Variants in MFSD2A observed in about 807,000 individuals in gnomAD.
MFSD2A encodes sodium-dependent lysophosphatidylcholine symporter 1.
MFSD2A carries 27 observed loss-of-function variants against 64.7 expected under a neutral mutation model. That is an observed-to-expected ratio of 0.42 (90% confidence interval 0.31 to 0.58). MFSD2A has a LOEUF of 0.58. MFSD2A is among the 20% of genes least tolerant of loss of function. The probability of loss-of-function intolerance (pLI) is 0.18; values close to 1 mark genes in which losing one functional copy is unlikely to be tolerated. For missense variants in MFSD2A, 474 were observed against 679.5 expected, an observed-to-expected ratio of 0.70 and a Z score of 3.36; for synonymous variants, 258 against 273.4, an observed-to-expected ratio of 0.94 and a Z score of 0.55.
chr1:39,957,854 C>T (rs1644961289), intron 2 of MFSD2A: 1 of 152,394 alleles, frequency 6.6e-6, no homozygotes, highest in South Asian at 2.1e-4. Flanking sequence ...GCTGTCTTCT[C>T]TGTGTAGCAT....
Position 39,969,628 on chromosome 1 carries a change from C to A in MFSD2A, c.*60C>A. 1 of 1,512,538 alleles carries A rather than the reference C, an allele frequency of 6.6e-7. No individual in the cohort carries two copies. The highest frequency in any genetic ancestry group is 9.0e-7 in the Non-Finnish European group (1 of 1,107,900). 93.7% of individuals were successfully genotyped at this position (1,512,538 alleles called of 1,614,324 possible). A position where few individuals can be genotyped will look rare whatever the true frequency, so the allele number is the denominator to read the frequency against. ...GGCCACAGAAGGGATCAGGACCTGTCTGCCGGCTTGCTGAGCAGCTGGACT... is the reference window on the plus strand; with the variant it reads ...GGCCACAGAAGGGATCAGGACCTGTATGCCGGCTTGCTGAGCAGCTGGACT... On this transcript the variant is annotated 3_prime_UTR_variant, in exon 14 of 14. Transcript: ENST00000372811.
rs1321319746 is a variant in MFSD2A at position 39,968,323 on chromosome 1, A to G, written c.1209-11A>G. 6.2e-7 allele frequency: 1 copy of G among 1,613,718 alleles called. No homozygotes were observed. The highest frequency in any genetic ancestry group is 1.1e-5 in the South Asian group (1 of 91,074). The stretch of plus-strand genomic sequence containing the variant: ...TGGGTCAGTCCTCATGGCTGTCACT[A>G]CTCTGCGCAGGTCCATGCTGCCTGA... On this transcript the variant is annotated splice_polypyrimidine_tract_variant and intron_variant, in intron 11 of 13. Transcript: ENST00000372811. This position sits in a 1 kb window ranked among gnomAD's most constrained non-coding sequence, Gnocchi z 4.4.
At chr1:39,961,213 A>G (rs1371356417) in intron 3 of MFSD2A, among the ~76,000 whole-genome samples, 2 of 149,900 alleles carry the variant, frequency 1.3e-5, no homozygotes, top group African/African-American at 4.9e-5. Context: ...TGGGTCTGTC[A>G]GGGTTTGTGA....
chr1:39,956,495 G>A (rs16826710), intron 1 of MFSD2A, among the ~76,000 whole-genome samples: 1,771 of 152,306 alleles, frequency 0.012, 23 homozygotes, highest in South Asian at 0.03. Context: ...GTGGGGACAG[G>A]TCGGCTGCTG....
intron 2 of MFSD2A, chr1:39,957,940 A>G (rs1233807454): frequency 6.6e-6 from 1 of 152,014 alleles, no homozygotes; most frequent in Non-Finnish European, 1.5e-5. Flanking sequence ...GGAACAAAAA[A>G]CTTCAGCAGC....
chr1:39,966,974 A>T, intron 8 of MFSD2A, 42 bp downstream of exon 8: 1 of 1,613,356 alleles, frequency 6.2e-7, no homozygotes, highest in South Asian at 1.1e-5. Context: ...AGGAGGTGTA[A>T]TGGGAGCGGG....
At position 39,957,127 on chromosome 1, in the gene MFSD2A, A is replaced by G. The variant is rs1644947546; in HGVS notation, c.134A>G (p.Asn45Ser). The G allele has an allele frequency of 6.2e-7, 1 of 1,613,998 alleles. No individual in the cohort carries two copies. Among genetic ancestry groups the G allele is most frequent in the Non-Finnish European group, 8.5e-7 (1 of 1,180,018 alleles). Residue 45 changes from asparagine (N) to serine (S), a missense_variant, in exon 2 of 14, where the codon AAC (asparagine) becomes AGC (serine). Physicochemically the swap from Asn to Ser is conservative, Grantham distance 46. Coordinates refer to ENST00000372811, the MANE Select transcript of MFSD2A (RefSeq NM_032793.5). The part of the protein sequence containing the change: ...KKKKQQLSVC[N>S]KLCYALGGAP... ...AAGAAACAACAGTTGTCTGTTTGCA[A>G]CAAGCTTTGCTATGCACTTGGGGGA...
chr1:39,965,226 G>T lies in MFSD2A; in HGVS notation c.369G>T (p.Thr123=). ...GRLMPWIIFS[T]PLAVIAYFLI... ...TCTTCCTCAGGATCATCTTCTCCAC[G>T]CCCCTGGCCGTCATTGCCTACTTCC... Residue 123 remains threonine (T), a synonymous_variant, in exon 4 of 14, where the codon ACG becomes ACT. Transcript: ENST00000372811. This position sits in a 1 kb window ranked among gnomAD's most constrained non-coding sequence, Gnocchi z 5.5. 1.2e-6 allele frequency: 2 copies of T among 1,614,004 alleles called. No homozygotes were observed. Among genetic ancestry groups the T allele is most frequent in the South Asian group, 2.2e-5 (2 of 91,078 alleles).
In MFSD2A at chr1:39,963,144, AGGAGCACT is replaced by A. The variant is rs1487412449; in HGVS notation, c.354-2064_354-2057del. ...GCTGGTGCGTCTCATCCCTGCACCCAGGAGCACTGGCATCGTCTCCACACCTGTGCCCA... is the reference window on the plus strand; with the variant it reads ...GCTGGTGCGTCTCATCCCTGCACCCAGGCATCGTCTCCACACCTGTGCCCA... On this transcript the variant is annotated intron_variant, in intron 3 of 13. Transcript: ENST00000372811. This position sits in a 1 kb window ranked among gnomAD's most constrained non-coding sequence, Gnocchi z 4.2. 13 of 1,412,154 alleles carry A rather than the reference AGGAGCACT, an allele frequency of 9.2e-6. No homozygotes were observed. Among genetic ancestry groups the A allele is most frequent in the Non-Finnish European group, 1.1e-5 (11 of 1,020,452 alleles). The allele number at this position is 1,412,154 out of a possible 1,614,324, so 87.5% of individuals were successfully genotyped here. A position where few individuals can be genotyped will look rare whatever the true frequency, so the allele number is the denominator to read the frequency against.
Position 39,966,615 on chromosome 1 carries a change from G to A in MFSD2A, c.729G>A (p.Leu243=). ...TSHRETQKAY[L]LAAGVIVCIY... Reference sequence around the variant, plus strand: ...CCTCCTTATAGCAAAAGGCATACCTGCTGGCAGCGGGGGTCATTGTCTGTA... The same window carrying A: ...CCTCCTTATAGCAAAAGGCATACCTACTGGCAGCGGGGGTCATTGTCTGTA... The change falls in exon 7 of 14, where the codon CTG becomes CTA. Residue 243 remains leucine (L), a synonymous_variant. Coordinates refer to ENST00000372811, the MANE Select transcript of MFSD2A (RefSeq NM_032793.5). 6.2e-7 allele frequency: 1 copy of A among 1,613,270 alleles called. No individual in the cohort carries two copies. Among genetic ancestry groups the A allele is most frequent in the South Asian group, 1.1e-5 (1 of 90,972 alleles).
intron 1 of MFSD2A, among the ~76,000 whole-genome samples, chr1:39,956,839 C>A (rs921908946): frequency 3.4e-5 from 5 of 145,944 alleles, no homozygotes; most frequent in Admixed American, 7.0e-5. Context: ...TGGCGTGAAC[C>A]CAGGAGGCGG....
Position 39,963,366 on chromosome 1 carries a change from A to G in MFSD2A, c.354-1845A>G, listed in dbSNP as rs1022180496. On this transcript the variant is annotated intron_variant, in intron 3 of 13. Coordinates refer to ENST00000372811, the MANE Select transcript of MFSD2A (RefSeq NM_032793.5). This position sits in a 1 kb window ranked among gnomAD's most constrained non-coding sequence, Gnocchi z 4.2. The stretch of plus-strand genomic sequence containing the variant: ...CGATCAGGAATTCACTGACCACCTC[A>G]TCAAGACCCACCAGGCTCCAGCTGT... The G allele has an allele frequency of 2.4e-5, 18 of 740,300 alleles. No individual in the cohort carries two copies. The highest frequency in any genetic ancestry group is 6.6e-5 in the Admixed American group (3 of 45,416). The allele number at this position is 740,300 out of a possible 1,614,324, so 45.9% of individuals were successfully genotyped here.
Position 39,968,729 on chromosome 1 carries a change from G to A in MFSD2A, c.1513G>A (p.Ala505Thr). Residue 505 changes from alanine to threonine, a missense_variant, in exon 13 of 14, where the codon GCC becomes ACC. By Grantham distance (58) the Ala-to-Thr change is moderately conservative (BLOSUM62 0). Transcript: ENST00000372811. This position sits in a 1 kb window ranked among gnomAD's most constrained non-coding sequence, Gnocchi z 4.4. ...DEERRRQNKK[A>T]LQALRDEASS... ...GGAGAGGCGGCGGCAGAATAAGAAG[G>A]CCCTGCAGGCACTGAGGTGAGTGGG... 1 of 1,614,058 alleles carries A rather than the reference G, an allele frequency of 6.2e-7. No homozygotes were observed. Among genetic ancestry groups the A allele is most frequent in the Non-Finnish European group, 8.5e-7 (1 of 1,179,988 alleles).
At chr1:39,959,673 TG>T (rs1644994140) in intron 3 of MFSD2A, among the ~76,000 whole-genome samples, 1 of 133,806 alleles carries the variant, frequency 7.5e-6, no homozygotes, top group African/African-American at 2.6e-5. Context: ...CTCACAGAGT[TG>T]TGGTGGATTA....
In MFSD2A at chr1:39,959,255, T is replaced by G. The variant is rs568049039; in HGVS notation, c.353+430T>G. Among the ~76,000 whole-genome samples, 5 of 151,816 alleles carry G rather than the reference T, an allele frequency of 3.3e-5. No homozygotes were observed. The East Asian group carries it at 9.7e-4, about 29-fold the overall frequency. On this transcript the variant is annotated intron_variant, in intron 3 of 13. Coordinates refer to ENST00000372811, the MANE Select transcript of MFSD2A (RefSeq NM_032793.5). ...CTTTCTTTCTATCTTTCTTTCTTTT[T>G]TTTTTTTTTAGAGACAGGGTCTCGC...
Position 39,955,854 on chromosome 1 carries a change from G to A in MFSD2A, c.93+469G>A, listed in dbSNP as rs1260199220. On this transcript the variant is annotated intron_variant, in intron 1 of 13. Coordinates refer to ENST00000372811, the MANE Select transcript of MFSD2A (RefSeq NM_032793.5). The surrounding 1 kb of genome is among the most constrained non-coding windows in gnomAD (Gnocchi z 5.9). ...AAGAACAAGAGCTCTGCTCTTAAAG[G>A]AGCCGCGTCCCTCAGGCATTTGTCT... The A allele has an allele frequency of 7.2e-6, 2 of 277,390 alleles. No homozygotes were observed. The highest frequency in any genetic ancestry group is 1.1e-4 in the Admixed American group (2 of 19,022). 17.2% of individuals were successfully genotyped at this position (277,390 alleles called of 1,614,324 possible). A position where few individuals can be genotyped will look rare whatever the true frequency, so the allele number is the denominator to read the frequency against.
chr1:39,955,226 G>T lies in MFSD2A; in HGVS notation c.-67G>T. On this transcript the variant is annotated 5_prime_UTR_variant, in exon 1 of 14. Transcript: ENST00000372811. This position sits in a 1 kb window ranked among gnomAD's most constrained non-coding sequence, Gnocchi z 5.9. ...GGCTGCTACGAAGCGAGCTTGGGAG[G>T]AGCAGCGGCCTGCGGGGCAGAGGAG... 1.6e-6 allele frequency: 2 copies of T among 1,280,350 alleles called. No homozygotes were observed. Among genetic ancestry groups the T allele is most frequent in the South Asian group, 2.2e-5 (1 of 45,892 alleles). 79.3% of individuals were successfully genotyped at this position (1,280,350 alleles called of 1,614,324 possible). A position where few individuals can be genotyped will look rare whatever the true frequency, so the allele number is the denominator to read the frequency against.
rs1277622182 is a variant in MFSD2A, at chr1:39,965,195, C to A, written c.354-16C>A. The A allele has an allele frequency of 1.9e-6, 3 of 1,613,336 alleles. No individual in the cohort carries two copies. The highest frequency in any genetic ancestry group is 2.5e-6 in the Non-Finnish European group (3 of 1,179,956). On this transcript the variant is annotated splice_polypyrimidine_tract_variant and intron_variant, in intron 3 of 13. Transcript: ENST00000372811. This position sits in a 1 kb window ranked among gnomAD's most constrained non-coding sequence, Gnocchi z 5.5. ...CTCCAGCCTCCAGCCTCCACTCACACCCTCCTCTTCCTCAGGATCATCTTC... is the reference window on the plus strand; with the variant it reads ...CTCCAGCCTCCAGCCTCCACTCACAACCTCCTCTTCCTCAGGATCATCTTC...
intron 6 of MFSD2A, 38 bp downstream of exon 6, chr1:39,966,052 G>A (rs1645154437): frequency 1.2e-6 from 2 of 1,609,082 alleles, no homozygotes; most frequent in Non-Finnish European, 8.5e-7. Flanking sequence ...GGGGAGATAA[G>A]GAACAGTGAG....
Sources: gnomAD v4.1 joint callset for allele counts (sites outside exome capture counted in the v4.1 genomes callset) on GRCh38, gnomAD v4.1.1 for gene constraint, Gnocchi (gnomAD v3.1) non-coding constraint, MANE v1.5 for transcripts, NCBI Gene and HGNC (gene_info 2026-07-23, HGNC 2026-07-21) for gene names.